MAN1C1: variants seen among roughly 807,000 people sequenced by gnomAD.
The protein encoded by MAN1C1 is mannosidase alpha class 1C member 1.
In MAN1C1, 49 loss-of-function variants were observed where a neutral mutation model predicts 71.5. The ratio of observed to expected loss-of-function variants is 0.69; its 90% CI spans 0.54 to 0.87. The LOEUF is 0.87. MAN1C1 is among the 40% of genes least tolerant of loss of function. The pLI is 0.00. For synonymous variants in MAN1C1, 352 were observed against 343.7 expected, an observed-to-expected ratio of 1.02 and a Z score of -0.27; for missense variants, 743 against 835.0, an observed-to-expected ratio of 0.89 and a Z score of 1.36.
intron 2 of MAN1C1, among the ~76,000 whole-genome samples, chr1:25,722,185 T>C (rs2046775334): frequency 6.6e-6 from 1 of 152,230 alleles, no homozygotes; most frequent in African/African-American, 2.4e-5. Flanking sequence ...TGAACTGTCT[T>C]TTCCCTGGAA....
intron 2 of MAN1C1, among the ~76,000 whole-genome samples, chr1:25,719,103 G>T (rs945543537): frequency 2.7e-5 from 4 of 147,448 alleles, no homozygotes; most frequent in Admixed American, 6.8e-5. Context: ...ACGGAGTTTT[G>T]CTCTTGTCGC....
intron 6 of MAN1C1, 74 bp from the exon 7 acceptor site, chr1:25,763,800 C>T (rs1472002650): frequency 1.2e-5 from 15 of 1,223,186 alleles, no homozygotes; most frequent in Admixed American, 1.2e-4. Flanking sequence ...CAGCTGCCTC[C>T]CATCCTCAGC....
In MAN1C1 at chr1:25,692,767, C is replaced by T. The variant is rs1247712262; in HGVS notation, c.637+6231C>T. On this transcript the variant is annotated intron_variant, in intron 2 of 11. Coordinates refer to ENST00000374332, the MANE Select transcript of MAN1C1 (RefSeq NM_020379.4). ...GTCTCTGGGTTGGTGTGTGCCACGT[C>T]CTGTACACCACTGCCCCCAGTGGAA... 2.6e-5 allele frequency among the ~76,000 whole-genome samples: 4 copies of T among 152,284 alleles called. No individual in the cohort carries two copies. The East Asian group carries it at 7.7e-4, about 29-fold the overall frequency.
At chr1:25,656,095 C>CTTTTTTTTTGTTTTTTTTTTT in intron 1 of MAN1C1, among the ~76,000 whole-genome samples, 1 of 74,988 alleles carries the variant, frequency 1.3e-5, no homozygotes, top group Non-Finnish European at 2.2e-5. Context: ...GATTATCAGT[C>CTTTTTTTTTGTTTTTTTTTTT]TTTTTTTTTT....
chr1:25,782,544 C>T lies in MAN1C1; in HGVS notation c.1651-41C>T, dbSNP rs768458001. On this transcript the variant is annotated intron_variant, in intron 10 of 11. Coordinates refer to ENST00000374332, the MANE Select transcript of MAN1C1 (RefSeq NM_020379.4). This position sits in a 1 kb window ranked among gnomAD's most constrained non-coding sequence, Gnocchi z 4.4. ...AAGTCTTGAGGGGCCTTTCCTGTCC[C>T]GTGTTAAGGCTGTTTTCCTCCTCCT... 1.9e-5 allele frequency: 26 copies of T among 1,399,330 alleles called. No homozygotes were observed. The highest frequency in any genetic ancestry group is 2.4e-5 in the Non-Finnish European group (24 of 984,844). 86.7% of individuals were successfully genotyped at this position (1,399,330 alleles called of 1,614,324 possible). A position where few individuals can be genotyped will look rare whatever the true frequency, so the allele number is the denominator to read the frequency against.
At chr1:25,727,718 G>A (rs924513051) in intron 2 of MAN1C1, among the ~76,000 whole-genome samples, 5 of 152,246 alleles carry the variant, frequency 3.3e-5, no homozygotes, top group African/African-American at 1.2e-4. Flanking sequence ...TCTGGGCAGG[G>A]AGTGTGGGAT....
At chr1:25,780,408 C>T (rs1420894567) in intron 9 of MAN1C1, among the ~76,000 whole-genome samples, 2 of 152,138 alleles carry the variant, frequency 1.3e-5, no homozygotes, top group Non-Finnish European at 2.9e-5. Context: ...TCAGCTGTTC[C>T]CAAACTCTCG....
At chr1:25,750,125 A>G (rs966460034) in intron 4 of MAN1C1, among the ~76,000 whole-genome samples, 1 of 152,158 alleles carries the variant, frequency 6.6e-6, no homozygotes, top group East Asian at 1.9e-4. Flanking sequence ...CTTCCCCAGC[A>G]TGGATGGTTC....
intron 1 of MAN1C1, among the ~76,000 whole-genome samples, chr1:25,650,528 C>A (rs893006626): frequency 2.0e-5 from 3 of 152,176 alleles, no homozygotes; most frequent in African/African-American, 7.2e-5. Context: ...GAGCTCACGA[C>A]CCCCCGCAGA....
chr1:25,727,537 G>T (rs1012849860), intron 2 of MAN1C1, among the ~76,000 whole-genome samples: 20 of 152,194 alleles, frequency 1.3e-4, no homozygotes, highest in African/African-American at 4.8e-4. Flanking sequence ...GGCTGGGGGT[G>T]AGCATTCTCT....
chr1:25,637,525 T>C (rs574055269), intron 1 of MAN1C1, among the ~76,000 whole-genome samples: 1 of 152,298 alleles, frequency 6.6e-6, no homozygotes, highest in Non-Finnish European at 1.5e-5. Flanking sequence ...AAATGTGTAT[T>C]GTATGGTTGT....
chr1:25,736,399 T>G (rs2046982890), intron 2 of MAN1C1, among the ~76,000 whole-genome samples: 1 of 152,158 alleles, frequency 6.6e-6, no homozygotes, highest in Non-Finnish European at 1.5e-5. Context: ...GTATGCTGGG[T>G]GTGTCATATT....
intron 2 of MAN1C1, among the ~76,000 whole-genome samples, chr1:25,686,874 G>A (rs1464951795): frequency 2.0e-5 from 3 of 152,204 alleles, no homozygotes; most frequent in African/African-American, 4.8e-5. Context: ...AGGACACAGA[G>A]GACCAGGTTT....
At chr1:25,771,586 T>G (rs1572210891) in intron 7 of MAN1C1, 71 bp from the exon 8 acceptor site, 2 of 1,165,452 alleles carry the variant, frequency 1.7e-6, no homozygotes, top group Non-Finnish European at 2.6e-6. Context: ...GTCAGGCGGG[T>G]GTGCGAGGCC....
At chr1:25,703,740 G>T (rs2046478751) in intron 2 of MAN1C1, among the ~76,000 whole-genome samples, 2 of 152,194 alleles carry the variant, frequency 1.3e-5, no homozygotes, top group Non-Finnish European at 2.9e-5. Flanking sequence ...TGAAAATGAG[G>T]TGTCCTCTGG....
chr1:25,746,206 G>A lies in MAN1C1; in HGVS notation c.638-462G>A, dbSNP rs1232471138. 6.6e-6 allele frequency among the ~76,000 whole-genome samples: 1 copy of A among 152,224 alleles called. No individual in the cohort carries two copies. The highest frequency in any genetic ancestry group is 1.9e-4 in the East Asian group (1 of 5,198). ...TGTGGTCCCAGCTACTTGGGAGGCT[G>A]AGGTGGGAGAATCGCTTGAACCTGG... On this transcript the variant is annotated intron_variant, in intron 2 of 11. Transcript: ENST00000374332. The surrounding 1 kb of genome is among the most constrained non-coding windows in gnomAD (Gnocchi z 4.0).
In MAN1C1 at chr1:25,758,692, C is replaced by G; in HGVS notation, c.1030C>G (p.Gln344Glu). Residue 344 changes from glutamine (Q) to glutamate (E), a missense_variant, in exon 6 of 12, where the codon CAG becomes GAG. Gln to Glu is a conservative substitution (Grantham distance 29). Coordinates refer to ENST00000374332, the MANE Select transcript of MAN1C1 (RefSeq NM_020379.4). ...FLHLTELSGN[Q>E]VFAEKVRNIR... is the part of the protein sequence containing the mutation. ...ACACCTCACTGAACTCTCTGGCAAC[C>G]AGGTCTTCGCTGAAAAGGCAAGTCT... The G allele has an allele frequency of 6.2e-7, 1 of 1,613,948 alleles. No homozygotes were observed. The highest frequency in any genetic ancestry group is 8.5e-7 in the Non-Finnish European group (1 of 1,179,834).
At chr1:25,722,503 A>C (rs948702943) in intron 2 of MAN1C1, among the ~76,000 whole-genome samples, 1 of 151,220 alleles carries the variant, frequency 6.6e-6, no homozygotes, top group Non-Finnish European at 1.5e-5. Flanking sequence ...TTGTCTTCCA[A>C]CTCTTTTATT....
At chr1:25,768,649 CA>C (rs1348246655) in intron 7 of MAN1C1, among the ~76,000 whole-genome samples, 5 of 97,756 alleles carry the variant, frequency 5.1e-5, no homozygotes, top group Admixed American at 9.5e-5. Context: ...CACACTCCCC[CA>C]CACACACAGA....
Sources: gnomAD v4.1 joint callset for allele counts (sites outside exome capture counted in the v4.1 genomes callset) on GRCh38, gnomAD v4.1.1 for gene constraint, Gnocchi (gnomAD v3.1) non-coding constraint, MANE v1.5 for transcripts, NCBI Gene and HGNC (gene_info 2026-07-23, HGNC 2026-07-21) for gene names.